The following FCGR1A variants were observed in gnomAD, a reference collection of about 807,000 sequenced individuals.
FCGR1A encodes the protein Fc gamma receptor Ia, also known as high affinity immunoglobulin gamma Fc receptor I.
A neutral mutation model predicts 35.0 loss-of-function variants in FCGR1A; 13 were observed. The ratio of observed to expected loss-of-function variants is 0.37; its 90% CI spans 0.24 to 0.59. FCGR1A has a LOEUF of 0.59. Ranked by LOEUF, FCGR1A falls within the 20% of genes least tolerant of loss-of-function variation. The pLI is 0.71. For missense variants in FCGR1A, 227 were observed against 430.0 expected, an observed-to-expected ratio of 0.53 and a Z score of 4.17; for synonymous variants, 91 against 164.7, an observed-to-expected ratio of 0.55 and a Z score of 3.43.
At chr1:149,788,768 C>A (rs2091619896) in intron 4 of FCGR1A, 151 bp downstream of exon 4, 1 of 801,270 alleles carries the variant, frequency 1.2e-6, no homozygotes, top group Non-Finnish European at 2.0e-6. Flanking sequence ...TGACCAGTAG[C>A]TGGAACCAGA....
At chr1:149,788,935 A>G (rs1205216504) in intron 4 of FCGR1A, among the ~76,000 whole-genome samples, 1 of 151,942 alleles carries the variant, frequency 6.6e-6, no homozygotes, top group African/African-American at 2.4e-5. Flanking sequence ...CTAGGTAGAT[A>G]GGAGAGTTAG....
downstream of FCGR1A, chr1:149,792,145 A>G (rs1571400671): frequency 1.9e-5 from 3 of 158,868 alleles, no homozygotes; most frequent in African/African-American, 7.3e-5. Flanking sequence ...AGGCTCTCTC[A>G]TAACCCCTCT....
At chr1:149,785,411 T>TG (rs1290764013) in intron 3 of FCGR1A, among the ~76,000 whole-genome samples, 1 of 127,246 alleles carries the variant, frequency 7.9e-6, no homozygotes, top group Non-Finnish European at 1.7e-5. Context: ...CTGTTTCGTT[T>TG]TTTTTTTTTT....
intron 4 of FCGR1A, among the ~76,000 whole-genome samples, chr1:149,788,909 A>G (rs2091623769): frequency 6.6e-6 from 1 of 151,944 alleles, no homozygotes; most frequent in Non-Finnish European, 1.5e-5. Flanking sequence ...TTAGTTGTAA[A>G]GAATACAGAC....
At chr1:149,789,838 T>G (rs1442719503) in intron 4 of FCGR1A, among the ~76,000 whole-genome samples, 1 of 152,162 alleles carries the variant, frequency 6.6e-6, no homozygotes. Context: ...ACCACTGGTA[T>G]AGAGGTATCC....
At position 149,784,700 on chromosome 1, in the gene FCGR1A, C is replaced by CTATA. The variant is rs34346480; in HGVS notation, c.307+460_307+463dup. Among the ~76,000 whole-genome samples the CTATA allele has an allele frequency of 1.1e-4, 16 of 146,220 alleles. No individual in the cohort carries two copies. The South Asian group carries it at 2.3e-3, about 21-fold the overall frequency. The stretch of plus-strand genomic sequence containing the variant: ...ATATATTAGCATTATTATATATAAA[C>CTATA]TATATATATATATATATATACACAC... On this transcript the variant is annotated intron_variant, in intron 3 of 5. Coordinates refer to ENST00000369168, the MANE Select transcript of FCGR1A (RefSeq NM_000566.4).
chr1:149,799,665 CCTCT>C, the FCGR1A span, among the ~76,000 whole-genome samples: 9 of 152,218 alleles, frequency 5.9e-5, no homozygotes, highest in African/African-American at 1.4e-4. Context: ...ATTCTCCCCT[CCTCT>C]CTAACTCCTC....
chr1:149,790,647 C>G (rs1553751691), intron 5 of FCGR1A, among the ~76,000 whole-genome samples: 1 of 150,202 alleles, frequency 6.7e-6, no homozygotes, highest in African/African-American at 2.4e-5. Context: ...CTCTTCCCTC[C>G]ACTCCATGAC....
the FCGR1A span, among the ~76,000 whole-genome samples, chr1:149,800,315 A>G: frequency 1.3e-5 from 2 of 152,122 alleles, no homozygotes; most frequent in Non-Finnish European, 1.5e-5. Flanking sequence ...GGGTCTTTGT[A>G]TGGAGGCTCC....
chr1:149,794,309 T>G (rs1368066809), downstream of FCGR1A, among the ~76,000 whole-genome samples: 2 of 151,774 alleles, frequency 1.3e-5, no homozygotes, highest in African/African-American at 4.9e-5. Context: ...GCAATAAATA[T>G]TCCATTGACA....
chr1:149,797,716 GCCTC>G, the FCGR1A span, among the ~76,000 whole-genome samples: 1 of 152,060 alleles, frequency 6.6e-6, no homozygotes, highest in Non-Finnish European at 1.5e-5. Context: ...TCCTGCCTCG[GCCTC>G]CCTAGCAGTT....
At position 149,791,168 on chromosome 1, in the gene FCGR1A, A is replaced by G. The variant is rs1421139870; in HGVS notation, c.845-69A>G. ...CAGGTCTCAGCCAACCTTCCCTTCC[A>G]AACATAACTCAGCTAGACCCCTCTG... On this transcript the variant is annotated intron_variant, in intron 5 of 5. Transcript: ENST00000369168. 11 of 1,604,716 alleles carry G rather than the reference A, an allele frequency of 6.9e-6. No individual in the cohort carries two copies. In the African/African-American group the frequency reaches 1.5e-4, roughly 22 times the overall value.
intron 5 of FCGR1A, among the ~76,000 whole-genome samples, chr1:149,790,707 A>C (rs2091688184): frequency 2.3e-5 from 3 of 129,546 alleles, no homozygotes; most frequent in Non-Finnish European, 3.2e-5. Context: ...CCTCCTCCTC[A>C]CCAACAATCT....
chr1:149,784,467 T>C (rs1553750586), intron 3 of FCGR1A, among the ~76,000 whole-genome samples: 1 of 152,130 alleles, frequency 6.6e-6, no homozygotes, highest in Non-Finnish European at 1.5e-5. Context: ...AGGCCAGCTC[T>C]AAGTAGGATG....
At chr1:149,797,729 T>C in the FCGR1A span, among the ~76,000 whole-genome samples, 1,057 of 151,990 alleles carry the variant, frequency 7.0e-3, 11 homozygotes, top group African/African-American at 0.025. Flanking sequence ...TCCCTAGCAG[T>C]TCGAACTATA....
At chr1:149,792,716 C>T, downstream of FCGR1A, 1 of 1,283,678 alleles carries the variant, frequency 7.8e-7, no homozygotes, top group South Asian at 1.2e-5. Context: ...TGGGCGCGCG[C>T]TTCTCCGCAG....
downstream of FCGR1A, chr1:149,792,995 G>A (rs2091749978): frequency 1.6e-6 from 2 of 1,274,880 alleles, no homozygotes; most frequent in African/African-American, 1.6e-5. Flanking sequence ...CTCCCCAGGC[G>A]CGTAGCTGAG....
downstream of FCGR1A, chr1:149,793,267 G>A (rs1158167113): frequency 8.9e-6 from 11 of 1,230,290 alleles, no homozygotes; most frequent in East Asian, 6.0e-4. Context: ...GAGCGGGTGG[G>A]GAGTGGGAGA....
the FCGR1A span, among the ~76,000 whole-genome samples, chr1:149,797,503 T>C: frequency 6.6e-6 from 1 of 152,226 alleles, no homozygotes; most frequent in Non-Finnish European, 1.5e-5. Context: ...ATAAATTCCA[T>C]TTTGGTGGAA....
Sources: allele counts gnomAD v4.1 joint callset (sites outside exome capture counted in the v4.1 genomes callset), GRCh38; gene constraint gnomAD v4.1.1; transcripts MANE v1.5; gene names NCBI Gene and HGNC (gene_info 2026-07-23, HGNC 2026-07-21).